PI4KA: variants seen among roughly 807,000 people sequenced by gnomAD.
PI4KA encodes phosphatidylinositol 4-kinase alpha.
A neutral mutation model predicts 271.4 loss-of-function variants in PI4KA; 122 were observed. That is an observed-to-expected ratio of 0.45 (90% confidence interval 0.39 to 0.52). The LOEUF is 0.52. PI4KA is among the 20% of genes least tolerant of loss of function. The probability of loss-of-function intolerance (pLI) is 0.00; values close to 1 mark genes in which losing one functional copy is unlikely to be tolerated. For synonymous variants in PI4KA, 1,041 were observed against 1,078.8 expected (o/e 0.96, Z 0.69); for missense variants, 1,969 against 2,769.1 (o/e 0.71, Z 6.48).
intron 45 of PI4KA, among the ~76,000 whole-genome samples, chr22:20,715,647 G>C (rs1279073550): frequency 1.3e-5 from 2 of 150,570 alleles, no homozygotes; most frequent in Non-Finnish European, 3.0e-5. Flanking sequence ...GCTAATTTGT[G>C]TACTTTTAGT....
chr22:20,808,573 G>A (rs537588616), intron 9 of PI4KA, among the ~76,000 whole-genome samples: 1 of 140,272 alleles, frequency 7.1e-6, no homozygotes, highest in South Asian at 2.3e-4. Flanking sequence ...CTGGGTGACA[G>A]AGTGAGACTC....
intron 16 of PI4KA, 113 bp downstream of exon 16, chr22:20,798,980 G>T: frequency 1.2e-6 from 1 of 852,186 alleles, no homozygotes; most frequent in Non-Finnish European, 1.8e-6. Context: ...ACCGTTGTCA[G>T]CATTTAGCTC....
At chr22:20,819,304 GTT>G (rs140229484) in intron 6 of PI4KA, among the ~76,000 whole-genome samples, 3 of 144,776 alleles carry the variant, frequency 2.1e-5, no homozygotes, top group African/African-American at 2.5e-5. Context: ...TAAAGGAGTG[GTT>G]TTTTTTTTTT....
intron 9 of PI4KA, 40 bp from the exon 10 acceptor site, chr22:20,807,498 T>C (rs1332307671): frequency 1.7e-6 from 2 of 1,158,260 alleles, no homozygotes; most frequent in Non-Finnish European, 2.6e-6. Flanking sequence ...AGAACAGAAA[T>C]GCCCTTCTGC....
intron 14 of PI4KA, among the ~76,000 whole-genome samples, chr22:20,799,992 A>G (rs184460653): frequency 6.6e-6 from 1 of 152,332 alleles, no homozygotes; most frequent in East Asian, 1.9e-4. Flanking sequence ...TTTTGCCCAG[A>G]ACAGTTTCCT....
chr22:20,803,209 G>A lies in PI4KA; in HGVS notation c.1573C>T (p.His525Tyr), dbSNP rs779940066. 6.2e-7 allele frequency: 1 copy of A among 1,614,070 alleles called. No homozygotes were observed. Among genetic ancestry groups the A allele is most frequent in the Non-Finnish European group, 8.5e-7 (1 of 1,179,946 alleles). ...TTATTACCTGTGTGGTACTGACTGT[G>A]GTACTTGTAGAGCTTCACCAGAACT... ...SPVLVKLYKY[H>Y]SQYHTVAGND... Residue 525 changes from histidine to tyrosine, a missense_variant, in exon 13 of 55, where the codon CAC (histidine) becomes TAC (tyrosine). His to Tyr is a moderately conservative substitution (Grantham distance 83, BLOSUM62 2). Around this residue, in one of 13 missense-constraint regions of PI4KA, gnomAD observed 228 missense variants for 261.6 expected, o/e 0.87. Coordinates refer to ENST00000255882, the MANE Select transcript of PI4KA (RefSeq NM_058004.4).
intron 3 of PI4KA, among the ~76,000 whole-genome samples, chr22:20,832,169 G>T (rs190385844): frequency 1.3e-4 from 20 of 148,592 alleles, no homozygotes; most frequent in African/African-American, 4.7e-4. Context: ...AGGCTGGAGT[G>T]CAGTGGCGCG....
chr22:20,858,788 C>A lies in PI4KA; in HGVS notation c.-63G>T. ...CTCCTGGCCCGCGAGCGCCCGACCTCAGGGCGCAGGCGTAGGTGCATCCGG... is the reference window on the plus strand; with the variant it reads ...CTCCTGGCCCGCGAGCGCCCGACCTAAGGGCGCAGGCGTAGGTGCATCCGG... On this transcript the variant is annotated 5_prime_UTR_variant, in exon 1 of 55. An upstream open reading frame in the 5' UTR gains an earlier in-frame stop. Transcript: ENST00000255882. 1 of 1,366,950 alleles carries A rather than the reference C, an allele frequency of 7.3e-7. No individual in the cohort carries two copies. Among genetic ancestry groups the A allele is most frequent in the Non-Finnish European group, 9.5e-7 (1 of 1,056,444 alleles). The allele number at this position is 1,366,950 out of a possible 1,614,324, so 84.7% of individuals were successfully genotyped here.
At chr22:20,739,136 G>T (rs531342588) in intron 32 of PI4KA, among the ~76,000 whole-genome samples, 1 of 151,438 alleles carries the variant, frequency 6.6e-6, no homozygotes, top group African/African-American at 2.4e-5. Context: ...ACAAGGTCAG[G>T]AGATCGAGAC....
At chr22:20,779,791 C>G in intron 19 of PI4KA, 1 of 1,614,210 alleles carries the variant, frequency 6.2e-7, no homozygotes, top group South Asian at 1.1e-5. Flanking sequence ...GGCATTTCTA[C>G]TGCGATGGGT....
chr22:20,797,220 G>A (rs1214108680), intron 17 of PI4KA, among the ~76,000 whole-genome samples: 2 of 152,216 alleles, frequency 1.3e-5, no homozygotes, highest in African/African-American at 2.4e-5. Flanking sequence ...TGGTGAGGAA[G>A]ACGACAAATC....
At chr22:20,778,720 T>C (rs1458046480) in intron 19 of PI4KA, among the ~76,000 whole-genome samples, 1 of 152,110 alleles carries the variant, frequency 6.6e-6, no homozygotes, top group Non-Finnish European at 1.5e-5. Context: ...CCCTTCTAGG[T>C]ACTCTCCAAT....
intron 41 of PI4KA, 81 bp downstream of exon 41, chr22:20,727,149 G>GGT: frequency 3.0e-6 from 4 of 1,335,966 alleles, no homozygotes; most frequent in Non-Finnish European, 3.1e-6. Flanking sequence ...CATGGCCAAT[G>GGT]GTGGGGCCTG....
At chr22:20,818,418 G>A in intron 7 of PI4KA, 65 bp downstream of exon 7, 1 of 1,230,958 alleles carries the variant, frequency 8.1e-7, no homozygotes, top group Non-Finnish European at 1.2e-6. Flanking sequence ...AATATCACGA[G>A]AAGTCACTGT....
Position 20,751,677 on chromosome 22 carries a change from G to A in PI4KA, c.3066C>T (p.Ser1022=), listed in dbSNP as rs533263946. 5.1e-5 allele frequency: 82 copies of A among 1,612,768 alleles called. No individual in the cohort carries two copies. Among genetic ancestry groups the A allele is most frequent in the East Asian group, 3.8e-4 (17 of 44,862 alleles). ...DILQTLSLSL[S]ADIHKDQPYY... is the part of the protein sequence containing the mutation. ...TAGGTCTCCTGGGGACACTCACAGCGCTCAGTGACAGTGACAGGGTCTGCA... is the reference window on the plus strand; with the variant it reads ...TAGGTCTCCTGGGGACACTCACAGCACTCAGTGACAGTGACAGGGTCTGCA... Residue 1022 remains serine, a synonymous_variant, in exon 26 of 55, where the codon AGC becomes AGT. Transcript: ENST00000255882.
chr22:20,837,589 A>G (rs1271426182), intron 2 of PI4KA, among the ~76,000 whole-genome samples: 1 of 152,214 alleles, frequency 6.6e-6, no homozygotes, highest in Non-Finnish European at 1.5e-5. Context: ...TTCTAGATAA[A>G]TATTCAAATA....
At chr22:20,812,128 T>C (rs1020646684) in intron 8 of PI4KA, among the ~76,000 whole-genome samples, 6 of 152,122 alleles carry the variant, frequency 3.9e-5, no homozygotes, top group Non-Finnish European at 2.9e-5. Flanking sequence ...CAGTTAGAAT[T>C]TCTGACATGG....
At chr22:20,737,130 G>A (rs181162410) in intron 32 of PI4KA, among the ~76,000 whole-genome samples, 152 of 152,312 alleles carry the variant, frequency 1.0e-3, no homozygotes, top group Middle Eastern at 3.4e-3. Flanking sequence ...GACTGGGCTG[G>A]GTAAGCAGTG....
At chr22:20,851,992 C>T (rs1358159303) in intron 1 of PI4KA, among the ~76,000 whole-genome samples, 9 of 152,010 alleles carry the variant, frequency 5.9e-5, no homozygotes, top group African/African-American at 1.4e-4. Context: ...GGCGTGGTGG[C>T]GGGCGCCTGT....
Sources: allele counts gnomAD v4.1 joint callset (sites outside exome capture counted in the v4.1 genomes callset), GRCh38; gene constraint gnomAD v4.1.1; regional missense constraint gnomAD v4.1.1; transcripts MANE v1.5; gene names NCBI Gene and HGNC (gene_info 2026-07-23, HGNC 2026-07-21).